The following TBC1D1 variants were observed in gnomAD, a reference collection of about 807,000 sequenced individuals.
TBC1D1 encodes TBC1 (tre-2/USP6, BUB2, cdc16) domain family, member 1.
Under a neutral mutation model 125.6 loss-of-function variants are expected in TBC1D1, and 89 were observed. The observed-to-expected ratio is 0.71, with a 90% CI of 0.60 to 0.85. The LOEUF (loss-of-function observed/expected upper bound fraction) is 0.85. TBC1D1 is among the 40% of genes least tolerant of loss of function. The pLI is 0.00. For missense variants in TBC1D1, 1,377 were observed against 1,469.2 expected (o/e 0.94, Z 1.03); for synonymous variants, 565 against 564.1 (o/e 1.00, Z -0.02).
intron 3 of TBC1D1, 38 bp downstream of exon 3, chr4:38,015,011 C>T: frequency 6.7e-7 from 1 of 1,484,798 alleles, no homozygotes; most frequent in South Asian, 1.4e-5. Flanking sequence ...CCCCAGTCTG[C>T]CATACGCTTT....
intron 3 of TBC1D1, 75 bp downstream of exon 3, chr4:38,015,048 A>G (rs1742403472): frequency 1.6e-6 from 2 of 1,255,028 alleles, no homozygotes; most frequent in Non-Finnish European, 1.1e-6. Flanking sequence ...TTATGGAGCG[A>G]AGATTCTTAG....
chr4:37,955,516 C>A (rs1728756373), intron 2 of TBC1D1, among the ~76,000 whole-genome samples: 1 of 152,180 alleles, frequency 6.6e-6, no homozygotes, highest in Non-Finnish European at 1.5e-5. Context: ...ATGCTACATA[C>A]ATAGTGTTAT....
chr4:37,952,627 A>AT (rs1728126228), intron 2 of TBC1D1: 2 of 154,266 alleles, frequency 1.3e-5, no homozygotes, highest in African/African-American at 4.8e-5. Flanking sequence ...GGGGCCTGTC[A>AT]CGGGGCGGGG....
At chr4:37,949,928 C>G (rs1727486305) in intron 2 of TBC1D1, among the ~76,000 whole-genome samples, 1 of 152,156 alleles carries the variant, frequency 6.6e-6, no homozygotes, top group Admixed American at 6.5e-5. Context: ...TAGAAGATTC[C>G]TAACGGAGTT....
intron 12 of TBC1D1, among the ~76,000 whole-genome samples, chr4:38,065,344 A>T (rs576327726): frequency 5.3e-5 from 8 of 152,208 alleles, no homozygotes; most frequent in South Asian, 4.1e-4. Flanking sequence ...ACGCCCCCAA[A>T]TGTCTGATGC....
chr4:38,081,531 G>T (rs1756555617), intron 12 of TBC1D1, among the ~76,000 whole-genome samples: 1 of 152,150 alleles, frequency 6.6e-6, no homozygotes, highest in African/African-American at 2.4e-5. Context: ...GTATTCTTCA[G>T]TAAATCAACT....
At chr4:37,918,773 G>A (rs183967237) in intron 2 of TBC1D1, among the ~76,000 whole-genome samples, 91 of 152,194 alleles carry the variant, frequency 6.0e-4, no homozygotes, top group African/African-American at 1.9e-3. Context: ...AAGCCTAGCC[G>A]TACAATTTTT....
At chr4:38,123,918 G>T (rs1013976363) in intron 17 of TBC1D1, among the ~76,000 whole-genome samples, 1 of 152,090 alleles carries the variant, frequency 6.6e-6, no homozygotes, top group East Asian at 1.9e-4. Context: ...CTGTTTCTTC[G>T]TGGCTTTTAA....
intron 2 of TBC1D1, among the ~76,000 whole-genome samples, chr4:37,968,515 A>G (rs1731462613): frequency 6.6e-6 from 1 of 152,222 alleles, no homozygotes; most frequent in South Asian, 2.1e-4. Flanking sequence ...CCTTGATTCA[A>G]ATGTTGACAT....
At chr4:37,892,343 G>C (rs1713520095) in intron 1 of TBC1D1, among the ~76,000 whole-genome samples, 1 of 152,070 alleles carries the variant, frequency 6.6e-6, no homozygotes, top group Admixed American at 6.6e-5. Context: ...TTGAGCCCAG[G>C]AGTTCGAGGC....
At chr4:38,092,750 AAGAAAG>A (rs1265741209) in intron 13 of TBC1D1, among the ~76,000 whole-genome samples, 3 of 143,270 alleles carry the variant, frequency 2.1e-5, no homozygotes, top group Admixed American at 6.7e-5. Flanking sequence ...AAAAAAAAAA[AAGAAAG>A]AAGTAATTAT....
At chr4:37,969,870 A>T (rs1240320417) in intron 2 of TBC1D1, among the ~76,000 whole-genome samples, 1 of 152,184 alleles carries the variant, frequency 6.6e-6, no homozygotes, top group East Asian at 1.9e-4. Flanking sequence ...TCACTGCAAA[A>T]AGAAACCCTG....
intron 11 of TBC1D1, among the ~76,000 whole-genome samples, chr4:38,052,728 G>GCACACACACACACACACACACACACACA (rs56153191): frequency 8.5e-6 from 1 of 118,276 alleles, no homozygotes; most frequent in Non-Finnish European, 1.7e-5. Context: ...GCGCGCGCGC[G>GCACACACACACACACACACACACACACA]CACACACACA....
intron 2 of TBC1D1, among the ~76,000 whole-genome samples, chr4:37,998,317 A>G (rs1738264981): frequency 6.6e-6 from 1 of 152,176 alleles, no homozygotes; most frequent in Non-Finnish European, 1.5e-5. Flanking sequence ...TTGCCACTTC[A>G]TCCTTCTGCC....
At chr4:38,122,782 A>G (rs1434095524) in intron 17 of TBC1D1, among the ~76,000 whole-genome samples, 8 of 152,246 alleles carry the variant, frequency 5.3e-5, no homozygotes, top group Admixed American at 5.2e-4. Context: ...TGTGAATAGC[A>G]TTGGGAAAGA....
intron 2 of TBC1D1, among the ~76,000 whole-genome samples, chr4:37,956,314 C>T (rs1032026551): frequency 3.3e-5 from 5 of 152,156 alleles, no homozygotes; most frequent in African/African-American, 2.4e-5. Context: ...CCACCACACC[C>T]GGCTTAATGA....
intron 2 of TBC1D1, among the ~76,000 whole-genome samples, chr4:37,945,954 C>G (rs944137371): frequency 2.0e-5 from 3 of 152,136 alleles, no homozygotes; most frequent in African/African-American, 7.2e-5. Flanking sequence ...GTGCTGATAA[C>G]AGAGGAGGGC....
chr4:38,112,182 G>A (rs1293879013), intron 15 of TBC1D1: 4 of 665,500 alleles, frequency 6.0e-6, no homozygotes, highest in Non-Finnish European at 5.6e-6. Context: ...TTATTATTTG[G>A]AATTCAGCTT....
intron 2 of TBC1D1, among the ~76,000 whole-genome samples, chr4:38,005,674 C>A (rs1740002813): frequency 6.6e-6 from 1 of 152,184 alleles, no homozygotes; most frequent in Non-Finnish European, 1.5e-5. Flanking sequence ...TGAAGTCCTG[C>A]CCTCAGAGAT....
Sources: allele counts gnomAD v4.1 joint callset (sites outside exome capture counted in the v4.1 genomes callset), GRCh38; gene constraint gnomAD v4.1.1; transcripts MANE v1.5; gene names NCBI Gene and HGNC (gene_info 2026-07-23, HGNC 2026-07-21).